CNST: variants seen among roughly 807,000 people sequenced by gnomAD.
The protein encoded by CNST is consortin.
In CNST, 39 loss-of-function variants were observed where a neutral mutation model predicts 72.4. The ratio of observed to expected loss-of-function variants is 0.54; its 90% CI spans 0.42 to 0.70. The LOEUF is 0.70. Ranked by LOEUF, CNST falls within the 30% of genes least tolerant of loss-of-function variation. The pLI is 0.00. For missense variants in CNST, 871 were observed against 868.5 expected (o/e 1.00, Z -0.04); for synonymous variants, 332 against 320.1 (o/e 1.04, Z -0.40).
chr1:246,631,804 T>G (rs1045686467), intron 3 of CNST, 90 bp from the exon 4 acceptor site: 7 of 854,452 alleles, frequency 8.2e-6, no homozygotes, highest in Middle Eastern at 2.4e-4. Flanking sequence ...TCAAAAACAT[T>G]TGGAATTTCA....
At chr1:246,582,559 GT>G (rs1311595400) in intron 1 of CNST, among the ~76,000 whole-genome samples, 1 of 152,024 alleles carries the variant, frequency 6.6e-6, no homozygotes, top group Non-Finnish European at 1.5e-5. Flanking sequence ...CTAGTAATTG[GT>G]TCATGGCCCA....
intron 2 of CNST, among the ~76,000 whole-genome samples, chr1:246,594,495 G>C (rs1199697161): frequency 6.6e-6 from 1 of 152,136 alleles, no homozygotes; most frequent in Admixed American, 6.5e-5. Context: ...GAAAGGCCAG[G>C]CGTGGTGGCT....
chr1:246,566,523 A>G lies in CNST; in HGVS notation c.-192A>G. ...GTGCGCAGAGGGAGGCGGGGCGGAA[A>G]GGCGAGAGGTGTCTCCTCCACCGGA... On this transcript the variant is annotated 5_prime_UTR_variant, in exon 1 of 11. Coordinates refer to ENST00000366513, the MANE Select transcript of CNST (RefSeq NM_152609.3). The G allele has an allele frequency of 2.3e-6, 1 of 432,204 alleles. No homozygotes were observed. Among genetic ancestry groups the G allele is most frequent in the Non-Finnish European group, 4.1e-6 (1 of 242,718 alleles). 26.8% of individuals were successfully genotyped at this position (432,204 alleles called of 1,614,324 possible).
intron 9 of CNST, among the ~76,000 whole-genome samples, chr1:246,650,172 A>G (rs139643591): frequency 6.6e-5 from 10 of 152,290 alleles, no homozygotes; most frequent in African/African-American, 2.4e-4. Context: ...GCGTATTACA[A>G]TTAAATGGAA....
At chr1:246,587,695 C>T (rs78687053) in intron 1 of CNST, among the ~76,000 whole-genome samples, 3,399 of 152,314 alleles carry the variant, frequency 0.022, 129 homozygotes, top group African/African-American at 0.077. Flanking sequence ...TCTTTATCTT[C>T]ATACTGCTTG....
rs561146370 is a variant in CNST, at chr1:246,666,133, G to A, written c.*228G>A. On this transcript the variant is annotated 3_prime_UTR_variant, in exon 11 of 11. Transcript: ENST00000366513. ...GTGGATGGAAGGAATGGTCTTTGGA[G>A]AGAGCATATCCATCTCCTCCTCACT... 10 of 519,450 alleles carry A rather than the reference G, an allele frequency of 1.9e-5. No individual in the cohort carries two copies. Among genetic ancestry groups the A allele is most frequent in the African/African-American group, 1.9e-4 (10 of 52,604 alleles). 32.2% of individuals were successfully genotyped at this position (519,450 alleles called of 1,614,324 possible).
intron 3 of CNST, among the ~76,000 whole-genome samples, chr1:246,622,974 C>A (rs925343152): frequency 2.0e-5 from 3 of 152,096 alleles, no homozygotes; most frequent in Admixed American, 6.6e-5. Context: ...CAGGCACACA[C>A]CACCACGCCT....
At chr1:246,636,463 G>A (rs1184230306) in intron 6 of CNST, among the ~76,000 whole-genome samples, 3 of 152,084 alleles carry the variant, frequency 2.0e-5, no homozygotes, top group Non-Finnish European at 2.9e-5. Context: ...GGACACATTC[G>A]TGGTAAGCGC....
At chr1:246,600,660 T>G (rs1297693276) in intron 2 of CNST, among the ~76,000 whole-genome samples, 3 of 152,202 alleles carry the variant, frequency 2.0e-5, no homozygotes, top group Non-Finnish European at 4.4e-5. Flanking sequence ...ATTTATTGAT[T>G]TATTGAGCAT....
intron 2 of CNST, among the ~76,000 whole-genome samples, chr1:246,599,246 A>G (rs762745219): frequency 5.3e-5 from 8 of 152,136 alleles, no homozygotes; most frequent in Admixed American, 1.3e-4. Flanking sequence ...AGTTATCACA[A>G]ATTTACAAAT....
chr1:246,662,729 A>G (rs1417270350), intron 10 of CNST, among the ~76,000 whole-genome samples: 1 of 152,200 alleles, frequency 6.6e-6, no homozygotes, highest in Non-Finnish European at 1.5e-5. Context: ...CCAGTACATA[A>G]AAATTATTTC....
intron 10 of CNST, among the ~76,000 whole-genome samples, chr1:246,661,234 C>G (rs1469384526): frequency 6.6e-6 from 1 of 152,100 alleles, no homozygotes; most frequent in African/African-American, 2.4e-5. Flanking sequence ...CCTTGGCCTC[C>G]CAAAGTGCTA....
intron 2 of CNST, among the ~76,000 whole-genome samples, chr1:246,605,481 G>A (rs1662665447): frequency 6.6e-6 from 1 of 152,224 alleles, no homozygotes; most frequent in African/African-American, 2.4e-5. Flanking sequence ...GGAGCATCAC[G>A]CTGTTTTAAT....
rs1169440784 is a variant in CNST at position 246,585,678 on chromosome 1, C to T, written c.-51-5834C>T. ...AAAAAAAAAAATATACACACACACA[C>T]ACACACACACACACACACACACACA... On this transcript the variant is annotated intron_variant, in intron 1 of 10. Transcript: ENST00000366513. Among the ~76,000 whole-genome samples the T allele has an allele frequency of 3.6e-3, 425 of 116,686 alleles. 19 individuals carry two copies. The highest frequency in any genetic ancestry group is 0.022 in the African/African-American group (406 of 18,862). The allele number at this position is 116,686 out of a possible 152,430, so 76.6% of individuals were successfully genotyped here. A position where few individuals can be genotyped will look rare whatever the true frequency, so the allele number is the denominator to read the frequency against.
intron 6 of CNST, among the ~76,000 whole-genome samples, chr1:246,636,177 A>G (rs3006084): frequency 0.29 from 44,279 of 150,568 alleles, 7,156 homozygotes; most frequent in East Asian, 0.67. Flanking sequence ...ACCAGGCTCC[A>G]GGGGGTAACC....
intron 6 of CNST, among the ~76,000 whole-genome samples, chr1:246,641,470 G>A (rs183546206): frequency 6.6e-6 from 1 of 152,232 alleles, no homozygotes; most frequent in Admixed American, 6.5e-5. Flanking sequence ...TTAGCAAAAG[G>A]TTGTCATTCT....
intron 1 of CNST, among the ~76,000 whole-genome samples, chr1:246,580,776 T>C (rs989643093): frequency 6.6e-6 from 1 of 152,178 alleles, no homozygotes; most frequent in African/African-American, 2.4e-5. Context: ...AGTCTCACTC[T>C]GTTGCCCAGG....
At chr1:246,587,109 A>T (rs1357036419) in intron 1 of CNST, among the ~76,000 whole-genome samples, 1 of 152,212 alleles carries the variant, frequency 6.6e-6, no homozygotes, top group African/African-American at 2.4e-5. Context: ...TAATAAACTT[A>T]AAACACTGAT....
In CNST at chr1:246,595,552, A is replaced by G. The variant is rs191105802; in HGVS notation, c.379+3611A>G. On this transcript the variant is annotated intron_variant, in intron 2 of 10. Coordinates refer to ENST00000366513, the MANE Select transcript of CNST (RefSeq NM_152609.3). ...GTTTAGACAAGGATGTGTTTACTCT[A>G]ATTTTTCGGTTAAATTCTTAGCTCC... Among the ~76,000 whole-genome samples, 12 of 152,280 alleles carry G rather than the reference A, an allele frequency of 7.9e-5. No homozygotes were observed. The East Asian group carries it at 2.1e-3, about 27-fold the overall frequency.
Sources: allele counts gnomAD v4.1 joint callset (sites outside exome capture counted in the v4.1 genomes callset), GRCh38; gene constraint gnomAD v4.1.1; transcripts MANE v1.5; gene names NCBI Gene and HGNC (gene_info 2026-07-23, HGNC 2026-07-21).